KIRREL3: variants seen among roughly 807,000 people sequenced by gnomAD.
The protein encoded by KIRREL3 is kin of IRRE-like protein 3.
Under a neutral mutation model 89.7 loss-of-function variants are expected in KIRREL3, and 36 were observed. The observed-to-expected ratio is 0.40, with a 90% CI of 0.31 to 0.53. The LOEUF is 0.53. KIRREL3 is among the 20% of genes least tolerant of loss of function. KIRREL3 has a pLI of 0.49. For synonymous variants in KIRREL3, 445 were observed against 441.4 expected (o/e 1.01, Z -0.10); for missense variants, 864 against 1,056.6 (o/e 0.82, Z 2.53).
intron 1 of KIRREL3, among the ~76,000 whole-genome samples, chr11:126,875,311 G>A (rs1945244831): frequency 6.6e-6 from 1 of 152,140 alleles, no homozygotes; most frequent in Non-Finnish European, 1.5e-5. Context: ...CTCCCCTAGT[G>A]AAAAACGAGA....
chr11:126,505,191 A>G (rs1957982059), intron 4 of KIRREL3, among the ~76,000 whole-genome samples: 1 of 152,270 alleles, frequency 6.6e-6, no homozygotes, highest in South Asian at 2.1e-4. Flanking sequence ...GTTGGAAAAG[A>G]CAAAGTAAAA....
At position 126,761,879 on chromosome 11, in the gene KIRREL3, A is replaced by G. The variant is rs2134270654; in HGVS notation, c.56-198967T>C. On this transcript the variant is annotated intron_variant, in intron 1 of 16. Transcript: ENST00000525144. This position sits in a 1 kb window ranked among gnomAD's most constrained non-coding sequence, Gnocchi z 4.4. Reference sequence around the variant, plus strand: ...TCTGATATCTAGTTGTGAATTTCCTATAATTAAATATAGTTTGGGCTGGGT... The same window carrying G: ...TCTGATATCTAGTTGTGAATTTCCTGTAATTAAATATAGTTTGGGCTGGGT... Among the ~76,000 whole-genome samples, 1 of 152,208 alleles carries G rather than the reference A, an allele frequency of 6.6e-6. No individual in the cohort carries two copies. Among genetic ancestry groups the G allele is most frequent in the Middle Eastern group, 3.4e-3 (1 of 294 alleles).
Position 126,674,491 on chromosome 11 carries a change from C to T in KIRREL3, c.56-111579G>A, listed in dbSNP as rs551478393. ...TTGCTCAGTCCCCAGTCAGATAGAG[C>T]ATCCAACAACAGCCTGCCCAGCTAC... On this transcript the variant is annotated intron_variant, in intron 1 of 16. Transcript: ENST00000525144. Among the ~76,000 whole-genome samples the T allele has an allele frequency of 3.9e-5, 6 of 152,334 alleles. No individual in the cohort carries two copies. The East Asian group carries it at 9.7e-4, about 25-fold the overall frequency.
chr11:126,937,671 G>A lies in KIRREL3; in HGVS notation c.55+62784C>T, dbSNP rs562204692. On this transcript the variant is annotated intron_variant, in intron 1 of 16. Coordinates refer to ENST00000525144, the MANE Select transcript of KIRREL3 (RefSeq NM_032531.4). ...ATCCCAGCACTTTGGAGGCCAAGGC[G>A]GGTGGATCACGAGGTCAGGAGATCA... Among the ~76,000 whole-genome samples the A allele has an allele frequency of 7.2e-5, 11 of 151,948 alleles. 1 individual carries two copies. The highest frequency in any genetic ancestry group is 5.8e-4 in the East Asian group (3 of 5,164).
chr11:126,974,883 T>C, intron 1 of KIRREL3, among the ~76,000 whole-genome samples: 1 of 152,158 alleles, frequency 6.6e-6, no homozygotes, highest in East Asian at 1.9e-4. Flanking sequence ...TTTTTGTATA[T>C]ATTTTTAAAG....
chr11:126,717,810 G>A (rs752303179), intron 1 of KIRREL3, among the ~76,000 whole-genome samples: 16 of 152,296 alleles, frequency 1.1e-4, no homozygotes, highest in African/African-American at 2.6e-4. Flanking sequence ...GCCACCCTGC[G>A]CTGATGTGTG....
At chr11:126,538,040 G>GC (rs1938051098) in intron 2 of KIRREL3, among the ~76,000 whole-genome samples, 1 of 152,000 alleles carries the variant, frequency 6.6e-6, no homozygotes, top group African/African-American at 2.4e-5. Context: ...AGGGGCCAGA[G>GC]CAGCACCTGT....
At chr11:126,839,313 T>TA (rs1478963110) in intron 1 of KIRREL3, among the ~76,000 whole-genome samples, 1 of 152,196 alleles carries the variant, frequency 6.6e-6, no homozygotes, top group African/African-American at 2.4e-5. Context: ...TAAGACACCC[T>TA]ATGAGGCTGC....
At position 126,915,019 on chromosome 11, in the gene KIRREL3, T is replaced by C. The variant is rs371508440; in HGVS notation, c.55+85436A>G. On this transcript the variant is annotated intron_variant, in intron 1 of 16. Coordinates refer to ENST00000525144, the MANE Select transcript of KIRREL3 (RefSeq NM_032531.4). The stretch of plus-strand genomic sequence containing the variant: ...CTCTGACCTTAAAAACCAACGCTCT[T>C]TAATTAGGCCTTTCCTTCCCCTTCT... Among the ~76,000 whole-genome samples, 5 of 152,218 alleles carry C rather than the reference T, an allele frequency of 3.3e-5. 1 individual carries two copies. The highest frequency in any genetic ancestry group is 3.8e-4 in the East Asian group (2 of 5,196).
At chr11:126,790,412 G>C (rs944210367) in intron 1 of KIRREL3, among the ~76,000 whole-genome samples, 2 of 152,156 alleles carry the variant, frequency 1.3e-5, no homozygotes, top group African/African-American at 4.8e-5. Context: ...TGATGACATT[G>C]GTCATCGAAG....
intron 1 of KIRREL3, among the ~76,000 whole-genome samples, chr11:126,833,897 G>A (rs1943692768): frequency 2.0e-5 from 3 of 152,182 alleles, no homozygotes; most frequent in South Asian, 4.1e-4. Flanking sequence ...ACACCCTGCT[G>A]CTTCCTAAAG....
Position 126,997,320 on chromosome 11 carries a change from T to C in KIRREL3, c.55+3135A>G, listed in dbSNP as rs1950204651. Among the ~76,000 whole-genome samples, 1 of 152,182 alleles carries C rather than the reference T, an allele frequency of 6.6e-6. No individual in the cohort carries two copies. The highest frequency in any genetic ancestry group is 1.5e-5 in the Non-Finnish European group (1 of 68,024). On this transcript the variant is annotated intron_variant, in intron 1 of 16. Transcript: ENST00000525144. The surrounding 1 kb of genome is among the most constrained non-coding windows in gnomAD (Gnocchi z 4.3). ...ATTGTGCTGTGACATTATCCCTCTC[T>C]GAACAAAGCATGACCGTCCTGACAG...
intron 2 of KIRREL3, among the ~76,000 whole-genome samples, chr11:126,547,858 C>T (rs766269673): frequency 3.9e-5 from 6 of 152,108 alleles, no homozygotes; most frequent in South Asian, 2.1e-4. Context: ...ACAAAGCTCC[C>T]GAGGCAGGGT....
chr11:126,522,438 T>TGTCTA lies in KIRREL3; in HGVS notation c.284-979_284-975dup. 6.6e-6 allele frequency among the ~76,000 whole-genome samples: 1 copy of TGTCTA among 152,320 alleles called. No individual in the cohort carries two copies. The highest frequency in any genetic ancestry group is 1.9e-4 in the East Asian group (1 of 5,186). ...GGTCACTTTGAGTCACAGTGGACCC[T>TGTCTA]GTCTAGTCATTCCTCCTGTCCCGCC... On this transcript the variant is annotated intron_variant, in intron 3 of 16. Coordinates refer to ENST00000525144, the MANE Select transcript of KIRREL3 (RefSeq NM_032531.4). The surrounding 1 kb of genome is among the most constrained non-coding windows in gnomAD (Gnocchi z 6.0).
Position 126,550,010 on chromosome 11 carries a change from C to G in KIRREL3, c.133+12825G>C, listed in dbSNP as rs1261141534. 6.6e-6 allele frequency: 1 copy of G among 152,252 alleles called. No homozygotes were observed. The highest frequency in any genetic ancestry group is 2.4e-5 in the African/African-American group (1 of 41,462). The allele number at this position is 152,252 out of a possible 1,614,324, so 9.4% of individuals were successfully genotyped here. A position where few individuals can be genotyped will look rare whatever the true frequency, so the allele number is the denominator to read the frequency against. On this transcript the variant is annotated intron_variant, in intron 2 of 16. Transcript: ENST00000525144. This position sits in a 1 kb window ranked among gnomAD's most constrained non-coding sequence, Gnocchi z 4.9. ...TACAGTGTGATTGGATTCTCCTTCT[C>G]TGTTTCCAATAGCTACTTATTCATA... is the stretch of plus-strand genomic sequence containing the variant.
rs1941927880 is a variant in KIRREL3, at chr11:126,587,583, C to T, written c.56-24671G>A. On this transcript the variant is annotated intron_variant, in intron 1 of 16. Coordinates refer to ENST00000525144, the MANE Select transcript of KIRREL3 (RefSeq NM_032531.4). The surrounding 1 kb of genome is among the most constrained non-coding windows in gnomAD (Gnocchi z 5.2). ...AAGAGGAGCCAGAAATGCACCCAAACTGAAAGAGGAGCACGCAGCACCAAT... is the reference window on the plus strand; with the variant it reads ...AAGAGGAGCCAGAAATGCACCCAAATTGAAAGAGGAGCACGCAGCACCAAT... Among the ~76,000 whole-genome samples, 3 of 152,198 alleles carry T rather than the reference C, an allele frequency of 2.0e-5. No individual in the cohort carries two copies. The highest frequency in any genetic ancestry group is 4.4e-5 in the Non-Finnish European group (3 of 68,046).
chr11:126,544,630 A>G lies in KIRREL3; in HGVS notation c.134-17943T>C, dbSNP rs567227659. Reference sequence around the variant, plus strand: ...CCAGAGTCGGTGTCCTGGGGGCTCCATGCAGGACAGCAAATGGGCCCTGTC... The same window carrying G: ...CCAGAGTCGGTGTCCTGGGGGCTCCGTGCAGGACAGCAAATGGGCCCTGTC... On this transcript the variant is annotated intron_variant, in intron 2 of 16. Transcript: ENST00000525144. The surrounding 1 kb of genome is among the most constrained non-coding windows in gnomAD (Gnocchi z 5.6). Among the ~76,000 whole-genome samples, 27 of 152,266 alleles carry G rather than the reference A, an allele frequency of 1.8e-4. 2 individuals carry two copies. In the South Asian group the frequency reaches 5.6e-3, roughly 32 times the overall value.
In KIRREL3 at chr11:126,553,906, TG is replaced by T. The variant is rs1412202042; in HGVS notation, c.133+8928del. ...CTCATATGCAGACCTGTATTTACCT[TG>T]TCTGATCAAAGTAGTAACCTTCGAA... On this transcript the variant is annotated intron_variant, in intron 2 of 16. Transcript: ENST00000525144. The surrounding 1 kb of genome is among the most constrained non-coding windows in gnomAD (Gnocchi z 4.7). 6.6e-5 allele frequency among the ~76,000 whole-genome samples: 10 copies of T among 152,316 alleles called. No homozygotes were observed. Among genetic ancestry groups the T allele is most frequent in the African/African-American group, 2.2e-4 (9 of 41,570 alleles).
In KIRREL3 at chr11:126,876,867, GTCT is replaced by G. The variant is rs1010853436; in HGVS notation, c.55+123585_55+123587del. ...TGTTTTTAATGAATACAAAAAGAAT[GTCT>G]TCTTTATGGAGCCAAAATTTTCACA... On this transcript the variant is annotated intron_variant, in intron 1 of 16. Transcript: ENST00000525144. The surrounding 1 kb of genome is among the most constrained non-coding windows in gnomAD (Gnocchi z 4.1). 6.6e-6 allele frequency among the ~76,000 whole-genome samples: 1 copy of G among 152,162 alleles called. No individual in the cohort carries two copies. The highest frequency in any genetic ancestry group is 1.5e-5 in the Non-Finnish European group (1 of 68,032).
Sources: gnomAD v4.1 joint callset for allele counts (sites outside exome capture counted in the v4.1 genomes callset) on GRCh38, gnomAD v4.1.1 for gene constraint, Gnocchi (gnomAD v3.1) non-coding constraint, MANE v1.5 for transcripts, NCBI Gene and HGNC (gene_info 2026-07-23, HGNC 2026-07-21) for gene names.